The following LRRC37A2 variants were observed in gnomAD, a reference collection of about 807,000 sequenced individuals.
LRRC37A2 encodes the protein leucine-rich repeat-containing protein 37A2.
A neutral mutation model predicts 68.8 loss-of-function variants in LRRC37A2; 9 were observed. The observed-to-expected ratio is 0.13, with a 90% CI of 0.08 to 0.23. The LOEUF is 0.23. Ranked by LOEUF, LRRC37A2 falls within the 10% of genes least tolerant of loss-of-function variation. The pLI is 1.00. For synonymous variants in LRRC37A2, 63 were observed against 367.6 expected (o/e 0.17, Z 9.48); for missense variants, 168 against 950.4 (o/e 0.18, Z 10.82).
chr17:46,900,105 A>G, the LRRC37A2 span, among the ~76,000 whole-genome samples: 1 of 147,722 alleles, frequency 6.8e-6, no homozygotes, highest in African/African-American at 2.5e-5. Context: ...TAGATGTAGT[A>G]GGAATTCAAC....
chr17:46,910,600 C>G, the LRRC37A2 span, among the ~76,000 whole-genome samples: 1 of 152,216 alleles, frequency 6.6e-6, no homozygotes, highest in African/African-American at 2.4e-5. Context: ...ATGATCCAAC[C>G]TGGAGACTGA....
the LRRC37A2 span, among the ~76,000 whole-genome samples, chr17:46,991,718 G>A: frequency 6.6e-6 from 1 of 152,258 alleles, no homozygotes; most frequent in African/African-American, 2.4e-5. Context: ...TCATGAAGAT[G>A]TACTACACAA....
At chr17:47,043,598 T>C in the LRRC37A2 span, among the ~76,000 whole-genome samples, 1 of 151,340 alleles carries the variant, frequency 6.6e-6, no homozygotes, top group East Asian at 1.9e-4. Context: ...AAGGCTGTGA[T>C]GTCATACAAG....
At chr17:46,801,389 G>A in the LRRC37A2 span, among the ~76,000 whole-genome samples, 2 of 152,360 alleles carry the variant, frequency 1.3e-5, no homozygotes, top group African/African-American at 4.8e-5. Flanking sequence ...GGAGGCTGAG[G>A]TGGGCACATC....
chr17:46,927,800 T>C, the LRRC37A2 span, among the ~76,000 whole-genome samples: 1 of 152,156 alleles, frequency 6.6e-6, no homozygotes, highest in African/African-American at 2.4e-5. Flanking sequence ...GGACAAGTCA[T>C]TCCTCCCCCT....
chr17:46,850,290 C>T, the LRRC37A2 span, among the ~76,000 whole-genome samples: 1 of 152,228 alleles, frequency 6.6e-6, no homozygotes, highest in Non-Finnish European at 1.5e-5. Context: ...TAAGTAGAAC[C>T]ATGGGATTTG....
the LRRC37A2 span, chr17:46,818,659 A>G: frequency 7.1e-5 from 102 of 1,432,144 alleles, no homozygotes; most frequent in African/African-American, 8.7e-4. Context: ...GACGCCCCCA[A>G]TAGTTGGAAC....
chr17:46,610,110 TCTC>T, the LRRC37A2 span, among the ~76,000 whole-genome samples: 1 of 121,878 alleles, frequency 8.2e-6, no homozygotes, highest in South Asian at 2.5e-4. Context: ...TCTCTCTCTC[TCTC>T]TCTCTCTCTC....
chr17:46,785,588 G>A, the LRRC37A2 span, among the ~76,000 whole-genome samples: 6 of 152,230 alleles, frequency 3.9e-5, no homozygotes, highest in Non-Finnish European at 7.3e-5. Flanking sequence ...ACTCCCTTCT[G>A]CCCGCAGCTT....
the LRRC37A2 span, among the ~76,000 whole-genome samples, chr17:46,850,560 G>A: frequency 2.0e-5 from 3 of 152,172 alleles, no homozygotes; most frequent in African/African-American, 7.2e-5. Flanking sequence ...TTTACATGCA[G>A]ATCTTGACAT....
the LRRC37A2 span, among the ~76,000 whole-genome samples, chr17:47,035,455 C>G: frequency 3.3e-5 from 5 of 152,102 alleles, no homozygotes; most frequent in African/African-American, 4.8e-5. Context: ...TTTCACGAAG[C>G]ATGTTGTTTC....
the LRRC37A2 span, among the ~76,000 whole-genome samples, chr17:46,688,375 C>T: frequency 7.0e-6 from 1 of 141,904 alleles, no homozygotes; most frequent in Non-Finnish European, 1.5e-5. Context: ...AATTTTAAAA[C>T]TTTACTGAGA....
At chr17:46,916,565 T>C in the LRRC37A2 span, among the ~76,000 whole-genome samples, 8 of 152,358 alleles carry the variant, frequency 5.3e-5, no homozygotes. Context: ...TAAGCAAAAC[T>C]TGCCATTGGT....
chr17:46,746,810 T>C, the LRRC37A2 span, among the ~76,000 whole-genome samples: 1 of 152,200 alleles, frequency 6.6e-6, no homozygotes, highest in East Asian at 1.9e-4. Flanking sequence ...ATTCAATAGC[T>C]TCATCAGTAA....
At chr17:46,892,838 A>G in the LRRC37A2 span, among the ~76,000 whole-genome samples, 256 of 152,348 alleles carry the variant, frequency 1.7e-3, 1 homozygote, top group African/African-American at 5.9e-3. Flanking sequence ...TCAAATATAC[A>G]TAAAATTAAT....
the LRRC37A2 span, among the ~76,000 whole-genome samples, chr17:46,742,749 C>T: frequency 2.6e-5 from 4 of 152,078 alleles, no homozygotes; most frequent in African/African-American, 9.7e-5. Flanking sequence ...CTGAGTACTG[C>T]AAGGGCGCAG....
chr17:46,719,109 G>T, the LRRC37A2 span, among the ~76,000 whole-genome samples: 2 of 152,174 alleles, frequency 1.3e-5, no homozygotes, highest in African/African-American at 4.8e-5. The surrounding 1 kb of genome is among the most constrained non-coding windows in gnomAD (Gnocchi z 4.3). Flanking sequence ...TTTTTTGCCA[G>T]TTGGATAAGC....
At chr17:46,752,284 C>G in the LRRC37A2 span, among the ~76,000 whole-genome samples, 1 of 152,068 alleles carries the variant, frequency 6.6e-6, no homozygotes, top group Non-Finnish European at 1.5e-5. Flanking sequence ...TTTTAGAACT[C>G]CACCCTTCCA....
the LRRC37A2 span, among the ~76,000 whole-genome samples, chr17:46,891,918 C>CTTTTTT: frequency 3.2e-3 from 233 of 71,774 alleles, no homozygotes; most frequent in Middle Eastern, 8.5e-3. Context: ...CTTTTCTTTT[C>CTTTTTT]TTTTTTTTTT....
Sources: gnomAD v4.1 joint callset for allele counts (sites outside exome capture counted in the v4.1 genomes callset) on GRCh38, gnomAD v4.1.1 for gene constraint, Gnocchi (gnomAD v3.1) non-coding constraint, MANE v1.5 for transcripts, NCBI Gene and HGNC (gene_info 2026-07-23, HGNC 2026-07-21) for gene names.